HIF1A: variants seen among roughly 807,000 people sequenced by gnomAD.
HIF1A encodes hypoxia-inducible factor 1-alpha.
Under a neutral mutation model 92.7 loss-of-function variants are expected in HIF1A, and 24 were observed. The ratio of observed to expected loss-of-function variants is 0.26; its 90% CI spans 0.19 to 0.36. HIF1A has a LOEUF of 0.36. HIF1A is among the 10% of genes least tolerant of loss of function. The pLI, the probability that HIF1A is intolerant of heterozygous loss-of-function variation, is 1.00. For missense variants in HIF1A, 799 were observed against 998.5 expected (o/e 0.80, Z 2.69); for synonymous variants, 319 against 338.7 (o/e 0.94, Z 0.64).
rs1277449173 is a variant in HIF1A, at chr14:61,695,783, A to T, written c.-22A>T. The T allele has an allele frequency of 1.3e-6, 2 of 1,593,894 alleles. No homozygotes were observed. On this transcript the variant is annotated 5_prime_UTR_variant, in exon 1 of 15. Coordinates refer to ENST00000337138, the MANE Select transcript of HIF1A (RefSeq NM_001530.4). ...AGCCTGGGGGCCGCCCGCCGTGAAG[A>T]CATCGCGGGGACCGATTCACCATGG...
rs764044268 is a variant in HIF1A, at chr14:61,720,526, G to A, written c.180G>A (p.Met60Ile). 1 of 1,612,344 alleles carries A rather than the reference G, an allele frequency of 6.2e-7. No homozygotes were observed. The highest frequency in any genetic ancestry group is 8.5e-7 in the Non-Finnish European group (1 of 1,179,290). The change falls in exon 2 of 15, where the codon ATG becomes ATA. Residue 60 changes from methionine (M) to isoleucine (I), a missense_variant. Coordinates refer to ENST00000337138, the MANE Select transcript of HIF1A (RefSeq NM_001530.4). The part of the protein sequence containing the change: ...VSSHLDKASV[M>I]RLTISYLRVR... ...CGCATCTTGATAAGGCCTCTGTGAT[G>A]AGGCTTACCATCAGCTATTTGCGTG...
chr14:61,740,318 G>C (rs2044694469), intron 10 of HIF1A, 187 bp from the exon 11 acceptor site: 1 of 419,700 alleles, frequency 2.4e-6, no homozygotes, highest in African/African-American at 2.1e-5. Flanking sequence ...CTCCACCTTG[G>C]CTTCCCAAAG....
chr14:61,695,875 C>A, intron 1 of HIF1A, 36 bp downstream of exon 1: 1 of 1,549,828 alleles, frequency 6.5e-7, no homozygotes, highest in African/African-American at 1.4e-5. Flanking sequence ...CCTTCTCCCC[C>A]GGCGACCCCG....
chr14:61,735,546 G>C (rs1467205839), intron 8 of HIF1A, among the ~76,000 whole-genome samples: 1 of 152,144 alleles, frequency 6.6e-6, no homozygotes, highest in Non-Finnish European at 1.5e-5. Context: ...TATTTTAATT[G>C]TTTACATATC....
intron 7 of HIF1A, among the ~76,000 whole-genome samples, chr14:61,733,130 G>C (rs2044596251): frequency 6.6e-6 from 1 of 151,834 alleles, no homozygotes; most frequent in Non-Finnish European, 1.5e-5. Flanking sequence ...CTCTCGCCCA[G>C]GCTGGAGTGC....
rs1287270892 is a variant in HIF1A, at chr14:61,747,760, A to G, written c.*675A>G. ...TTACATAATATAGAAAGATATGCAT[A>G]TATCTAGAAGGTATGTGGCATTTAT... On this transcript the variant is annotated 3_prime_UTR_variant, in exon 15 of 15. Transcript: ENST00000337138. 2.0e-5 allele frequency: 3 copies of G among 152,586 alleles called. No individual in the cohort carries two copies. The highest frequency in any genetic ancestry group is 4.4e-5 in the Non-Finnish European group (3 of 67,992). The allele number at this position is 152,586 out of a possible 1,614,324, so 9.5% of individuals were successfully genotyped here.
intron 6 of HIF1A, among the ~76,000 whole-genome samples, chr14:61,731,700 G>A (rs1012310391): frequency 1.3e-5 from 2 of 152,146 alleles, no homozygotes; most frequent in Non-Finnish European, 2.9e-5. Flanking sequence ...ATGAAGAAAT[G>A]TTACAGATTT....
intron 1 of HIF1A, among the ~76,000 whole-genome samples, chr14:61,707,189 A>G (rs540672331): frequency 1.1e-3 from 161 of 152,326 alleles, no homozygotes; most frequent in Admixed American, 1.8e-3. Context: ...TCCCCAGATT[A>G]TCATCATTGG....
At chr14:61,697,316 G>C (rs2044128025) in intron 1 of HIF1A, among the ~76,000 whole-genome samples, 2 of 152,114 alleles carry the variant, frequency 1.3e-5, no homozygotes, top group South Asian at 2.1e-4. Flanking sequence ...TTTATTTTGC[G>C]GAGGTGATTA....
At chr14:61,724,376 T>TCTCCCC (rs1555338409) in intron 4 of HIF1A, among the ~76,000 whole-genome samples, 5 of 150,286 alleles carry the variant, frequency 3.3e-5, no homozygotes, top group African/African-American at 7.3e-5. Context: ...TCTCTCTCTC[T>TCTCCCC]CTCTCCCCCT....
intron 12 of HIF1A, among the ~76,000 whole-genome samples, chr14:61,743,776 A>T (rs775165098): frequency 2.0e-5 from 3 of 152,232 alleles, no homozygotes; most frequent in Non-Finnish European, 4.4e-5. Flanking sequence ...ATTTAATATT[A>T]ATTTTAGATA....
At chr14:61,702,469 GT>G (rs2044189188) in intron 1 of HIF1A, among the ~76,000 whole-genome samples, 1 of 136,228 alleles carries the variant, frequency 7.3e-6, no homozygotes. Flanking sequence ...TAAAAAGAAT[GT>G]TTTAATTCTT....
At position 61,740,609 on chromosome 14, in the gene HIF1A, G is replaced by T; in HGVS notation, c.1641G>T (p.Lys547Asn). 2 of 1,605,318 alleles carry T rather than the reference G, an allele frequency of 1.2e-6. No homozygotes were observed. The highest frequency in any genetic ancestry group is 2.2e-5 in the South Asian group (2 of 89,770). ...EKLFAEDTEA[K>N]NPFSTQDTDL... is the part of the protein sequence containing the mutation. ...TTTTTGCTGAAGACACAGAAGCAAA[G>T]AACCCATTTTCTACTCAGGTATATG... Residue 547 changes from lysine to asparagine, a missense_variant, in exon 11 of 15, where the codon AAG becomes AAT. Coordinates refer to ENST00000337138, the MANE Select transcript of HIF1A (RefSeq NM_001530.4).
At chr14:61,702,756 C>T (rs1412376226) in intron 1 of HIF1A, among the ~76,000 whole-genome samples, 1 of 152,110 alleles carries the variant, frequency 6.6e-6, no homozygotes, top group Non-Finnish European at 1.5e-5. Flanking sequence ...AATTTAAAAA[C>T]TACACAGGTG....
intron 1 of HIF1A, among the ~76,000 whole-genome samples, chr14:61,704,537 T>G (rs2044214996): frequency 6.6e-6 from 1 of 152,234 alleles, no homozygotes; most frequent in Admixed American, 6.5e-5. Context: ...TCATTAAATG[T>G]CTTTTAACTT....
At chr14:61,724,381 C>CTCTCTCTCTCTCTCTCTCTCTCTCT (rs71117849) in intron 4 of HIF1A, among the ~76,000 whole-genome samples, 1 of 145,212 alleles carries the variant, frequency 6.9e-6, no homozygotes, top group African/African-American at 2.5e-5. Flanking sequence ...CTCTCTCTCT[C>CTCTCTCTCTCTCTCTCTCTCTCTCT]CCCCTCCCTC....
chr14:61,711,070 A>G lies in HIF1A; in HGVS notation c.36-9312A>G, dbSNP rs994710194. 7.3e-5 allele frequency among the ~76,000 whole-genome samples: 11 copies of G among 151,296 alleles called. 1 individual carries two copies. The highest frequency in any genetic ancestry group is 3.9e-4 in the East Asian group (2 of 5,180). On this transcript the variant is annotated intron_variant, in intron 1 of 14. Transcript: ENST00000337138. The stretch of plus-strand genomic sequence containing the variant: ...CTCAAAAAAAAAAAAAAAAAAAGGC[A>G]ATAGGATTAGGTATCAACTTAATGA...
At chr14:61,731,148 C>T (rs1211627454) in intron 6 of HIF1A, among the ~76,000 whole-genome samples, 1 of 151,652 alleles carries the variant, frequency 6.6e-6, no homozygotes, top group African/African-American at 2.4e-5. Context: ...TGCCTATGTC[C>T]TTCCTGTAGT....
At chr14:61,702,193 C>T (rs1328841018) in intron 1 of HIF1A, among the ~76,000 whole-genome samples, 2 of 148,198 alleles carry the variant, frequency 1.3e-5, no homozygotes, top group East Asian at 2.0e-4. Context: ...TTTGGGAGGC[C>T]GGGGCAGGTG....
Sources: gnomAD v4.1 joint callset for allele counts (sites outside exome capture counted in the v4.1 genomes callset) on GRCh38, gnomAD v4.1.1 for gene constraint, MANE v1.5 for transcripts, NCBI Gene and HGNC (gene_info 2026-07-23, HGNC 2026-07-21) for gene names.